ZFYVE26: variants seen among roughly 807,000 people sequenced by gnomAD.
The protein encoded by ZFYVE26 is zinc finger FYVE-type containing 26.
In ZFYVE26, 181 loss-of-function variants were observed where a neutral mutation model predicts 276.5. The observed-to-expected ratio is 0.65, with a 90% CI of 0.58 to 0.74. The LOEUF is 0.74. Among genes scored for constraint, ZFYVE26 ranks in the 30% least tolerant of loss-of-function variants. The probability of loss-of-function intolerance (pLI) is 0.00; values close to 1 mark genes in which losing one functional copy is unlikely to be tolerated. For missense variants in ZFYVE26, 2,821 were observed against 3,097.9 expected, an observed-to-expected ratio of 0.91 and a Z score of 2.12; for synonymous variants, 1,129 against 1,203.1, an observed-to-expected ratio of 0.94 and a Z score of 1.27.
chr14:67,748,547 C>G lies in ZFYVE26; in HGVS notation c.7509G>C (p.Gln2503His). 6.2e-7 allele frequency: 1 copy of G among 1,614,184 alleles called. No homozygotes were observed. Among genetic ancestry groups the G allele is most frequent in the Non-Finnish European group, 8.5e-7 (1 of 1,180,028 alleles). ...EHSRATALVQ[Q>H]VQQAAKSSGD... is the part of the protein sequence containing the mutation. Reference sequence around the variant, plus strand: ...CGCTGCTCTTGGCGGCCTGCTGCACCTGCTGGACAAGGGCTGTGGCCCGTG... The same window carrying G: ...CGCTGCTCTTGGCGGCCTGCTGCACGTGCTGGACAAGGGCTGTGGCCCGTG... Residue 2503 changes from glutamine (Q) to histidine (H), a missense_variant, in exon 42 of 42, where the codon CAG becomes CAC. Coordinates refer to ENST00000347230, the MANE Select transcript of ZFYVE26 (RefSeq NM_015346.4).
intron 26 of ZFYVE26, 59 bp downstream of exon 26, chr14:67,775,801 A>G: frequency 4.3e-6 from 7 of 1,612,660 alleles, no homozygotes; most frequent in Non-Finnish European, 4.2e-6. Context: ...TAAAACTAAG[A>G]ATGCAGCATG....
chr14:67,759,113 C>T (rs1401711379), intron 35 of ZFYVE26, among the ~76,000 whole-genome samples: 4 of 151,226 alleles, frequency 2.6e-5, no homozygotes, highest in South Asian at 4.2e-4. Flanking sequence ...GGTATGGTGG[C>T]GGGCGCTTGT....
At chr14:67,731,597 A>G (rs1030393539) in intron 13 of ZFYVE26, among the ~76,000 whole-genome samples, 7 of 151,940 alleles carry the variant, frequency 4.6e-5, no homozygotes, top group African/African-American at 1.7e-4. Flanking sequence ...AATAAAATAT[A>G]CAGTCATTAA....
At chr14:67,768,095 G>A (rs1007608553) in intron 30 of ZFYVE26, among the ~76,000 whole-genome samples, 1 of 152,204 alleles carries the variant, frequency 6.6e-6, no homozygotes, top group Non-Finnish European at 1.5e-5. Flanking sequence ...AACCTTCAAA[G>A]GGGCGTGTTT....
At chr14:67,748,748 A>T in intron 41 of ZFYVE26, 109 bp from the exon 42 acceptor site, 2 of 1,072,166 alleles carry the variant, frequency 1.9e-6, no homozygotes, top group South Asian at 2.7e-5. Context: ...CTCACCTGCC[A>T]CGTTCATAAC....
At chr14:67,809,426 T>TTA (rs1555400526) in intron 3 of ZFYVE26, 137 bp from the exon 4 acceptor site, 5 of 588,978 alleles carry the variant, frequency 8.5e-6, no homozygotes, top group African/African-American at 4.3e-5. Context: ...TTTTTTTTTT[T>TTA]TTTTTTTTTA....
At chr14:67,736,487 G>A (rs1442511469) in intron 13 of ZFYVE26, among the ~76,000 whole-genome samples, 1 of 152,142 alleles carries the variant, frequency 6.6e-6, no homozygotes, top group Admixed American at 6.5e-5. Context: ...CTCACACCAT[G>A]CATACAAATG....
chr14:67,741,327 G>T (rs1420668460), intron 13 of ZFYVE26, among the ~76,000 whole-genome samples: 1 of 152,150 alleles, frequency 6.6e-6, no homozygotes, highest in Non-Finnish European at 1.5e-5. Flanking sequence ...TTATTTTCTT[G>T]TGCATTCTGG....
At position 67,748,042 on chromosome 14, in the gene ZFYVE26, C is replaced by T. The variant is rs192149779; in HGVS notation, c.*394G>A. Reference sequence around the variant, plus strand: ...GGACAACCCGGGTCAAGAACCAAAACGCAGGGAAGGTTTTCAGAGTGGCAA... The same window carrying T: ...GGACAACCCGGGTCAAGAACCAAAATGCAGGGAAGGTTTTCAGAGTGGCAA... On this transcript the variant is annotated 3_prime_UTR_variant, in exon 42 of 42. Coordinates refer to ENST00000347230, the MANE Select transcript of ZFYVE26 (RefSeq NM_015346.4). 7.1e-4 allele frequency: 175 copies of T among 246,908 alleles called. 3 individuals are homozygous for T. In the East Asian group the frequency reaches 0.011, roughly 15 times the overall value. The allele number at this position is 246,908 out of a possible 1,614,324, so 15.3% of individuals were successfully genotyped here.
chr14:67,753,792 A>T (rs775443044), intron 38 of ZFYVE26, 26 bp from the exon 39 acceptor site: 1 of 1,581,436 alleles, frequency 6.3e-7, no homozygotes, highest in Non-Finnish European at 8.7e-7. Context: ...AATCATGCTT[A>T]AAAACATGGC....
At chr14:67,775,457 C>T (rs780520628) in intron 26 of ZFYVE26, among the ~76,000 whole-genome samples, 18 of 152,256 alleles carry the variant, frequency 1.2e-4, no homozygotes, top group Non-Finnish European at 2.2e-4. Flanking sequence ...TCAGTCCATA[C>T]TTATTTCAGT....
In ZFYVE26 at chr14:67,762,287, G is replaced by A. The variant is rs2038952712; in HGVS notation, c.6285C>T (p.Asp2095=). The A allele has an allele frequency of 6.2e-7, 1 of 1,614,056 alleles. No homozygotes were observed. The highest frequency in any genetic ancestry group is 1.3e-5 in the African/African-American group (1 of 74,920). ...TTGAGCCATGATTCAGCTGATTGAGGTCAAATGGGGGCTTCAGACAGCGAC... is the reference window on the plus strand; with the variant it reads ...TTGAGCCATGATTCAGCTGATTGAGATCAAATGGGGGCTTCAGACAGCGAC... ...KFSRCLKPPF[D]LNQLNHGSRL... is the part of the protein sequence containing the mutation. The change falls in exon 34 of 42, where the codon GAC becomes GAT. Residue 2095 remains aspartate, a synonymous_variant. Coordinates refer to ENST00000347230, the MANE Select transcript of ZFYVE26 (RefSeq NM_015346.4).
Position 67,798,218 on chromosome 14 carries a change from C to A in ZFYVE26, c.2044G>T (p.Glu682Ter). The change falls in exon 11 of 42, where the codon GAA (glutamate) becomes TAA (stop). Residue 682 changes from glutamate to a stop codon, truncating the protein, a stop_gained. Coordinates refer to ENST00000347230, the MANE Select transcript of ZFYVE26 (RefSeq NM_015346.4). LOFTEE classifies it high-confidence loss of function. ...TSGISGFLAD[E>*]FAIGAFLRLL... The stretch of plus-strand genomic sequence containing the variant: ...CTGAGGAAGGCCCCTATTGCAAATT[C>A]ATCAGCCAGAAATCCACTGATACCA... 6.2e-7 allele frequency: 1 copy of A among 1,614,202 alleles called. No individual in the cohort carries two copies. Among genetic ancestry groups the A allele is most frequent in the Non-Finnish European group, 8.5e-7 (1 of 1,180,038 alleles).
At chr14:67,780,678 G>T (rs994224765) in intron 22 of ZFYVE26, among the ~76,000 whole-genome samples, 48 of 152,160 alleles carry the variant, frequency 3.2e-4, no homozygotes, top group African/African-American at 1.1e-3. Flanking sequence ...ATATTCTTCT[G>T]GCTTGAATGC....
Position 67,783,604 on chromosome 14 carries a change from T to C in ZFYVE26, c.3627-79A>G, listed in dbSNP as rs1012251108. 5 of 1,562,710 alleles carry C rather than the reference T, an allele frequency of 3.2e-6. No individual in the cohort carries two copies. In the African/African-American group the frequency reaches 4.1e-5, roughly 13 times the overall value. On this transcript the variant is annotated intron_variant, in intron 20 of 41. Transcript: ENST00000347230. ...ACCAGTCTTACAATTTCTTTATGCT[T>C]ACATGAGCAAATGTAAATAAAAGTT...
At chr14:67,732,126 CAAAAAAAAAA>C (rs71129854) in intron 13 of ZFYVE26, among the ~76,000 whole-genome samples, 4 of 77,528 alleles carry the variant, frequency 5.2e-5, no homozygotes, top group South Asian at 3.8e-4. Context: ...GACTCTGTCT[CAAAAAAAAAA>C]AAAAAAAAAA....
intron 13 of ZFYVE26, among the ~76,000 whole-genome samples, chr14:67,732,163 G>T (rs1340868195): frequency 6.7e-6 from 1 of 149,802 alleles, no homozygotes; most frequent in African/African-American, 2.5e-5. Context: ...AAGGCTGGGT[G>T]TGGCGGCTCA....
intron 13 of ZFYVE26, among the ~76,000 whole-genome samples, chr14:67,740,679 C>G (rs1279878401): frequency 6.6e-6 from 1 of 152,204 alleles, no homozygotes; most frequent in East Asian, 1.9e-4. Flanking sequence ...GAGGCCAAGG[C>G]GGGTGGATCA....
Position 67,752,426 on chromosome 14 carries a change from C to T in ZFYVE26, c.7289G>A (p.Ser2430Asn), listed in dbSNP as rs1197927100. Residue 2430 changes from serine (S) to asparagine (N), a missense_variant, in exon 40 of 42, where the codon AGT becomes AAT. Transcript: ENST00000347230. The part of the protein sequence containing the change: ...SEIQQLLKCV[S>N]ESGMAAKSDG... ...ACTTTTGGCTGCCATGCCTGACTCA[C>T]TGACACATTTGAGCAGTTGCTGGAT... 1 of 1,613,992 alleles carries T rather than the reference C, an allele frequency of 6.2e-7. No individual in the cohort carries two copies. Among genetic ancestry groups the T allele is most frequent in the Non-Finnish European group, 8.5e-7 (1 of 1,179,994 alleles).
Sources: gnomAD v4.1 joint callset for allele counts (sites outside exome capture counted in the v4.1 genomes callset) on GRCh38, gnomAD v4.1.1 for gene constraint, MANE v1.5 for transcripts, NCBI Gene and HGNC (gene_info 2026-07-23, HGNC 2026-07-21) for gene names.